DENND1A: variants seen among roughly 807,000 people sequenced by gnomAD.
The protein encoded by DENND1A is DENN domain-containing protein 1A.
In DENND1A, 51 loss-of-function variants were observed where a neutral mutation model predicts 113.7. The ratio of observed to expected loss-of-function variants is 0.45; its 90% CI spans 0.36 to 0.57. DENND1A has a LOEUF of 0.57. Among genes scored for constraint, DENND1A ranks in the 20% least tolerant of loss-of-function variants. DENND1A has a pLI of 0.00. For missense variants in DENND1A, 1,258 were observed against 1,395.9 expected (o/e 0.90, Z 1.57); for synonymous variants, 565 against 570.8 (o/e 0.99, Z 0.14).
chr9:123,660,455 T>TAA (rs145768477), intron 8 of DENND1A, among the ~76,000 whole-genome samples: 1 of 146,798 alleles, frequency 6.8e-6, no homozygotes, highest in Admixed American at 6.8e-5. Context: ...TGAGAAGACT[T>TAA]AAAAAAAAAA....
intron 9 of DENND1A, among the ~76,000 whole-genome samples, chr9:123,640,725 C>A (rs982687255): frequency 2.6e-5 from 4 of 152,206 alleles, no homozygotes; most frequent in African/African-American, 9.6e-5. Context: ...TCTGGATGGT[C>A]ACCGGATCTT....
chr9:123,887,304 G>A (rs1849236447), intron 1 of DENND1A, among the ~76,000 whole-genome samples: 1 of 152,170 alleles, frequency 6.6e-6, no homozygotes. Flanking sequence ...GTCAGAGCCT[G>A]GGCGGGGCAA....
At chr9:123,669,795 T>C (rs1363054915) in intron 7 of DENND1A, among the ~76,000 whole-genome samples, 1 of 152,240 alleles carries the variant, frequency 6.6e-6, no homozygotes, top group Non-Finnish European at 1.5e-5. Flanking sequence ...ATGAGAATTT[T>C]TGTAACAAGG....
At chr9:123,545,247 T>A (rs1039286827) in intron 13 of DENND1A, among the ~76,000 whole-genome samples, 10 of 152,124 alleles carry the variant, frequency 6.6e-5, no homozygotes, top group African/African-American at 1.7e-4. Flanking sequence ...TGTGGAAGGG[T>A]AGCCTAAGCC....
chr9:123,468,640 G>T (rs2049147453), intron 13 of DENND1A, among the ~76,000 whole-genome samples: 1 of 152,182 alleles, frequency 6.6e-6, no homozygotes, highest in South Asian at 2.1e-4. Flanking sequence ...TTCTTACAGG[G>T]TCAGCTGTGG....
chr9:123,711,481 T>TAAAAA (rs1233510468), intron 5 of DENND1A, among the ~76,000 whole-genome samples: 3 of 89,048 alleles, frequency 3.4e-5, no homozygotes, highest in South Asian at 3.4e-4. Context: ...AATAATAAAT[T>TAAAAA]AAAAAATATA....
intron 5 of DENND1A, among the ~76,000 whole-genome samples, chr9:123,700,379 G>A (rs930420044): frequency 6.6e-6 from 1 of 152,152 alleles, no homozygotes; most frequent in African/African-American, 2.4e-5. Context: ...AAACAGAATA[G>A]ACTATTGTAT....
chr9:123,395,998 C>T (rs377593309), intron 21 of DENND1A, among the ~76,000 whole-genome samples: 2 of 138,388 alleles, frequency 1.4e-5, no homozygotes, highest in South Asian at 2.4e-4. Flanking sequence ...TGTGTGTGTG[C>T]ACGCGTGTGA....
At position 123,425,279 on chromosome 9, in the gene DENND1A, C is replaced by T. The variant is rs192638137; in HGVS notation, c.1489-13450G>A. On this transcript the variant is annotated intron_variant, in intron 19 of 23. Coordinates refer to ENST00000394215, the MANE Select transcript of DENND1A (RefSeq NM_001352964.2). Reference sequence around the variant, plus strand: ...TGTCCTGTTGGGCTCAATATCTCCCCGGCAGGGAGCTGGATTCTGAGCAGC... The same window carrying T: ...TGTCCTGTTGGGCTCAATATCTCCCTGGCAGGGAGCTGGATTCTGAGCAGC... Among the ~76,000 whole-genome samples, 129 of 152,382 alleles carry T rather than the reference C, an allele frequency of 8.5e-4. 1 individual carries two copies. In the East Asian group the frequency reaches 0.017, roughly 20 times the overall value.
chr9:123,694,597 C>A (rs1311178533), intron 5 of DENND1A, among the ~76,000 whole-genome samples: 1 of 152,186 alleles, frequency 6.6e-6, no homozygotes, highest in Non-Finnish European at 1.5e-5. Flanking sequence ...CCCTATCTCC[C>A]ACCAAAAGTA....
rs140939749 is a variant in DENND1A, at chr9:123,749,933, C to G, written c.302+7770G>C. Among the ~76,000 whole-genome samples, 546 of 152,268 alleles carry G rather than the reference C, an allele frequency of 3.6e-3. 3 individuals carry two copies. Among genetic ancestry groups the G allele is most frequent in the African/African-American group, 0.011 (461 of 41,546 alleles). Reference sequence around the variant, plus strand: ...CACTCCGTCTCAAAAATAAAAAATCCCTTTTAGCCAAAGTCTTAGAGTTAC... The same window carrying G: ...CACTCCGTCTCAAAAATAAAAAATCGCTTTTAGCCAAAGTCTTAGAGTTAC... On this transcript the variant is annotated intron_variant, in intron 5 of 23. Transcript: ENST00000394215.
Position 123,422,319 on chromosome 9 carries a change from G to T in DENND1A, c.1489-10490C>A, listed in dbSNP as rs77331810. Among the ~76,000 whole-genome samples the T allele has an allele frequency of 6.6e-6, 1 of 152,300 alleles. No individual in the cohort carries two copies. The highest frequency in any genetic ancestry group is 1.9e-4 in the East Asian group (1 of 5,190). On this transcript the variant is annotated intron_variant, in intron 19 of 23. Coordinates refer to ENST00000394215, the MANE Select transcript of DENND1A (RefSeq NM_001352964.2). The surrounding 1 kb of genome is among the most constrained non-coding windows in gnomAD (Gnocchi z 4.8). ...CTGGCAACATTCCTGGCATGCTTCT[G>T]ATCAGGAAAAACCCTCTACCTACAG... is the stretch of plus-strand genomic sequence containing the variant.
intron 2 of DENND1A, among the ~76,000 whole-genome samples, chr9:123,825,365 C>T (rs1590241269): frequency 6.6e-6 from 1 of 151,750 alleles, no homozygotes; most frequent in South Asian, 2.1e-4. Context: ...GCAACTACTG[C>T]CTCTGAGATT....
chr9:123,552,223 A>G (rs1015069685), intron 13 of DENND1A, among the ~76,000 whole-genome samples: 3 of 151,918 alleles, frequency 2.0e-5, no homozygotes, highest in Admixed American at 6.5e-5. Flanking sequence ...CTGTCCCCCA[A>G]CGGGCTCCAG....
intron 11 of DENND1A, among the ~76,000 whole-genome samples, chr9:123,592,719 G>A (rs1235790266): frequency 6.6e-6 from 1 of 152,048 alleles, no homozygotes; most frequent in Non-Finnish European, 1.5e-5. Context: ...TGTCCAGGCT[G>A]GACTTGAACT....
intron 1 of DENND1A, among the ~76,000 whole-genome samples, chr9:123,888,588 T>C (rs1208705069): frequency 1.3e-5 from 2 of 152,152 alleles, no homozygotes; most frequent in Non-Finnish European, 2.9e-5. Flanking sequence ...CTGTCGGAGA[T>C]GCTACACCTG....
intron 5 of DENND1A, among the ~76,000 whole-genome samples, chr9:123,682,347 G>C (rs1382951578): frequency 6.6e-6 from 1 of 152,140 alleles, no homozygotes; most frequent in Non-Finnish European, 1.5e-5. Context: ...TGTTCATGTC[G>C]GGACTGATGA....
At chr9:123,563,494 T>C (rs1195465372) in intron 12 of DENND1A, among the ~76,000 whole-genome samples, 3 of 152,230 alleles carry the variant, frequency 2.0e-5, no homozygotes, top group African/African-American at 7.2e-5. Context: ...AAATGAAGTA[T>C]GTACAACATG....
chr9:123,530,283 G>A (rs1049702798), intron 13 of DENND1A, among the ~76,000 whole-genome samples: 13 of 152,086 alleles, frequency 8.5e-5, no homozygotes, highest in Non-Finnish European at 1.2e-4. Flanking sequence ...AATATAAGGC[G>A]AAAGAGAACA....
Sources: gnomAD v4.1 joint callset for allele counts (sites outside exome capture counted in the v4.1 genomes callset) on GRCh38, gnomAD v4.1.1 for gene constraint, Gnocchi (gnomAD v3.1) non-coding constraint, MANE v1.5 for transcripts, NCBI Gene and HGNC (gene_info 2026-07-23, HGNC 2026-07-21) for gene names.